Variants in ST6GALNAC3 observed in about 807,000 individuals in gnomAD.
ST6GALNAC3 encodes ST6 N-acetylgalactosaminide alpha-2,6-sialyltransferase 3, also known as alpha-N-acetylgalactosaminide alpha-2,6-sialyltransferase 3.
A neutral mutation model predicts 32.7 loss-of-function variants in ST6GALNAC3; 25 were observed. The observed-to-expected ratio is 0.76, with a 90% CI of 0.56 to 1.07. The LOEUF (loss-of-function observed/expected upper bound fraction) is 1.07, where lower values mean the gene tolerates loss of function less well. Ranked by LOEUF, ST6GALNAC3 falls within the 50% of genes least tolerant of loss-of-function variation. The pLI is 0.00. For missense variants in ST6GALNAC3, 355 were observed against 382.4 expected (o/e 0.93, Z 0.60); for synonymous variants, 129 against 133.1 (o/e 0.97, Z 0.21).
chr1:76,226,646 A>C (rs942307163), intron 1 of ST6GALNAC3, among the ~76,000 whole-genome samples: 3 of 152,144 alleles, frequency 2.0e-5, no homozygotes, highest in African/African-American at 4.8e-5. Context: ...GTTGGAAGGC[A>C]AAGGGGGAAC....
chr1:76,267,348 G>C (rs1267301793), intron 1 of ST6GALNAC3, among the ~76,000 whole-genome samples: 1 of 152,068 alleles, frequency 6.6e-6, no homozygotes, highest in Admixed American at 6.5e-5. Context: ...TCCCTTCCCA[G>C]CCCACTCGAG....
intron 3 of ST6GALNAC3, among the ~76,000 whole-genome samples, chr1:76,589,783 A>T (rs1285422131): frequency 6.6e-6 from 1 of 151,504 alleles, no homozygotes; most frequent in African/African-American, 2.4e-5. Flanking sequence ...AAGCAGATGA[A>T]CTGGGCATTC....
At chr1:76,201,364 G>T (rs1654506143) in intron 1 of ST6GALNAC3, among the ~76,000 whole-genome samples, 2 of 152,176 alleles carry the variant, frequency 1.3e-5, no homozygotes, top group African/African-American at 4.8e-5. Context: ...CATTGTGTGA[G>T]ACTTACTCAC....
chr1:76,084,679 A>G (rs572851135), intron 1 of ST6GALNAC3, among the ~76,000 whole-genome samples: 2 of 152,354 alleles, frequency 1.3e-5, no homozygotes, highest in African/African-American at 2.4e-5. Flanking sequence ...GCTAATAGAC[A>G]TATGGCCAAT....
intron 1 of ST6GALNAC3, among the ~76,000 whole-genome samples, chr1:76,226,487 A>G (rs189316160): frequency 1.3e-5 from 2 of 152,324 alleles, no homozygotes; most frequent in Admixed American, 6.5e-5. Flanking sequence ...TTACTGGTGT[A>G]TTAGTCCATT....
chr1:76,276,806 A>G (rs1659159833), intron 1 of ST6GALNAC3, among the ~76,000 whole-genome samples: 1 of 152,208 alleles, frequency 6.6e-6, no homozygotes, highest in Non-Finnish European at 1.5e-5. Context: ...CTGTTTTTCC[A>G]CATCTTTGCC....
chr1:76,236,479 A>G (rs1049208627), intron 1 of ST6GALNAC3, among the ~76,000 whole-genome samples: 3 of 152,208 alleles, frequency 2.0e-5, no homozygotes, highest in African/African-American at 4.8e-5. Flanking sequence ...ATAACAACAT[A>G]AGCAATGATT....
intron 3 of ST6GALNAC3, among the ~76,000 whole-genome samples, chr1:76,498,454 A>G (rs1337392973): frequency 2.0e-5 from 3 of 152,192 alleles, no homozygotes; most frequent in Non-Finnish European, 4.4e-5. Context: ...CTGATGGCTT[A>G]TGGTGACTGG....
intron 1 of ST6GALNAC3, among the ~76,000 whole-genome samples, chr1:76,213,485 T>C (rs1334303932): frequency 6.6e-6 from 1 of 152,230 alleles, no homozygotes; most frequent in Non-Finnish European, 1.5e-5. Flanking sequence ...AAAAGTTTCA[T>C]GATGGTGTAG....
intron 1 of ST6GALNAC3, among the ~76,000 whole-genome samples, chr1:76,102,821 T>G (rs10873866): frequency 0.31 from 47,755 of 151,832 alleles, 8,807 homozygotes; most frequent in South Asian, 0.43. Context: ...TCTTGTATTA[T>G]TTATCTTTCA....
chr1:76,532,437 T>G (rs1663317351), intron 3 of ST6GALNAC3, among the ~76,000 whole-genome samples: 3 of 152,142 alleles, frequency 2.0e-5, no homozygotes, highest in Admixed American at 6.5e-5. Context: ...GAGTGAGATA[T>G]TGCCAGCATT....
At chr1:76,386,621 C>A (rs900122447) in intron 2 of ST6GALNAC3, among the ~76,000 whole-genome samples, 3 of 152,056 alleles carry the variant, frequency 2.0e-5, no homozygotes, top group Non-Finnish European at 4.4e-5. Flanking sequence ...GAGATAATAA[C>A]ATAGAGAGAT....
At chr1:76,321,387 C>A (rs1646963771) in intron 2 of ST6GALNAC3, among the ~76,000 whole-genome samples, 1 of 152,110 alleles carries the variant, frequency 6.6e-6, no homozygotes, top group Non-Finnish European at 1.5e-5. Context: ...GAGCTCAATT[C>A]TTGAAGGCAG....
intron 1 of ST6GALNAC3, among the ~76,000 whole-genome samples, chr1:76,198,722 G>A (rs1654352989): frequency 6.6e-6 from 1 of 152,124 alleles, no homozygotes; most frequent in Non-Finnish European, 1.5e-5. Context: ...ATACTTACTT[G>A]GAAAGTCAGG....
chr1:76,353,806 C>G (rs1290406300), intron 2 of ST6GALNAC3: 1 of 152,774 alleles, frequency 6.5e-6, no homozygotes, highest in Non-Finnish European at 1.5e-5. Flanking sequence ...TGGCCTGTCC[C>G]CACTCACCAG....
At chr1:76,456,310 A>G (rs1657784352) in intron 3 of ST6GALNAC3, among the ~76,000 whole-genome samples, 1 of 152,176 alleles carries the variant, frequency 6.6e-6, no homozygotes, top group Non-Finnish European at 1.5e-5. Context: ...CTACAGATTT[A>G]TATGGTCTCT....
At chr1:76,091,569 C>T (rs933825071) in intron 1 of ST6GALNAC3, among the ~76,000 whole-genome samples, 5 of 152,228 alleles carry the variant, frequency 3.3e-5, no homozygotes, top group African/African-American at 4.8e-5. Flanking sequence ...TGCCACATGA[C>T]GACGTTTCAG....
At chr1:76,324,923 AT>A (rs1159536253) in intron 2 of ST6GALNAC3, among the ~76,000 whole-genome samples, 7 of 151,896 alleles carry the variant, frequency 4.6e-5, no homozygotes, top group African/African-American at 1.5e-4. Context: ...CATTTTTTTA[AT>A]TTTTCACATA....
chr1:76,574,603 A>G (rs1039857412), intron 3 of ST6GALNAC3, among the ~76,000 whole-genome samples: 1 of 152,018 alleles, frequency 6.6e-6, no homozygotes, highest in Non-Finnish European at 1.5e-5. Context: ...TTAATCTGAA[A>G]TTCAAGGGCC....
Sources: allele counts gnomAD v4.1 joint callset (sites outside exome capture counted in the v4.1 genomes callset), GRCh38; gene constraint gnomAD v4.1.1; transcripts MANE v1.5; gene names NCBI Gene and HGNC (gene_info 2026-07-23, HGNC 2026-07-21).